The following RIGI variants were observed in gnomAD, a reference collection of about 807,000 sequenced individuals.
RIGI encodes the protein antiviral innate immune response receptor RIG-I.
the RIGI span, chr9:32,477,193 A>T: frequency 1.9e-6 from 3 of 1,573,808 alleles, no homozygotes; most frequent in Admixed American, 1.8e-5. Context: ...ACACACTGTG[A>T]CCTTTAGCTA....
chr9:32,472,451 C>G, the RIGI span, among the ~76,000 whole-genome samples: 1 of 152,200 alleles, frequency 6.6e-6, no homozygotes, highest in Non-Finnish European at 1.5e-5. Flanking sequence ...CCCAGTAATT[C>G]ATCTAGGTAC....
At chr9:32,526,117 C>T in the RIGI span, 2 of 1,613,784 alleles carry the variant, frequency 1.2e-6, no homozygotes, top group African/African-American at 1.3e-5. Flanking sequence ...CAGGGTCTTC[C>T]GGATATAATC....
the RIGI span, among the ~76,000 whole-genome samples, chr9:32,480,634 CAT>C: frequency 1.3e-5 from 2 of 152,130 alleles, no homozygotes; most frequent in Non-Finnish European, 2.9e-5. Context: ...ACGAAAAACA[CAT>C]ATCAAAATTT....
the RIGI span, chr9:32,489,226 T>C: frequency 1.9e-5 from 12 of 645,186 alleles, no homozygotes; most frequent in Non-Finnish European, 7.8e-6. Context: ...GACAGTTTTC[T>C]CAAAAGACAC....
chr9:32,467,566 T>C, the RIGI span, among the ~76,000 whole-genome samples: 11 of 152,198 alleles, frequency 7.2e-5, no homozygotes. Context: ...AGCAGCATCA[T>C]TGTAAGAATC....
At chr9:32,504,309 T>C in the RIGI span, among the ~76,000 whole-genome samples, 1 of 152,034 alleles carries the variant, frequency 6.6e-6, no homozygotes, top group African/African-American at 2.4e-5. Context: ...CAAAAAAATA[T>C]GAGTCAAAAG....
At chr9:32,500,897 G>T in the RIGI span, 46 of 1,614,086 alleles carry the variant, frequency 2.8e-5, no homozygotes, top group South Asian at 4.6e-4. Context: ...AGCCTCCATT[G>T]GGCCCTTGTT....
At chr9:32,503,941 C>T in the RIGI span, among the ~76,000 whole-genome samples, 1 of 151,778 alleles carries the variant, frequency 6.6e-6, no homozygotes, top group African/African-American at 2.4e-5. Flanking sequence ...ACTCGGGAGG[C>T]TGAGGCAGGA....
At chr9:32,478,592 C>G in the RIGI span, among the ~76,000 whole-genome samples, 1 of 152,078 alleles carries the variant, frequency 6.6e-6, no homozygotes, top group South Asian at 2.1e-4. Context: ...TAAGGACTCA[C>G]TCTACCACCC....
the RIGI span, among the ~76,000 whole-genome samples, chr9:32,483,457 G>C: frequency 8.5e-5 from 13 of 152,240 alleles, no homozygotes; most frequent in African/African-American, 2.9e-4. Flanking sequence ...GGCAGGGTAC[G>C]GGAGGTGGGA....
chr9:32,498,243 T>C, the RIGI span: 1 of 456,104 alleles, frequency 2.2e-6, no homozygotes, highest in Non-Finnish European at 4.4e-6. Flanking sequence ...GGCCAAAAAC[T>C]CCACCCTTGG....
chr9:32,512,277 T>A, the RIGI span, among the ~76,000 whole-genome samples: 41 of 152,248 alleles, frequency 2.7e-4, no homozygotes, highest in East Asian at 5.8e-3. Flanking sequence ...AAAGAAAATT[T>A]CAGGCCAATA....
At chr9:32,491,162 T>G in the RIGI span, 1 of 910,736 alleles carries the variant, frequency 1.1e-6, no homozygotes, top group Non-Finnish European at 1.7e-6. Context: ...GTATCTATTG[T>G]AACATAAATT....
chr9:32,468,101 T>C, the RIGI span, among the ~76,000 whole-genome samples: 1 of 152,234 alleles, frequency 6.6e-6, no homozygotes, highest in Non-Finnish European at 1.5e-5. Flanking sequence ...CCTATGCCTG[T>C]TTCAGAAAGG....
chr9:32,487,518 TTGAC>T, the RIGI span: 12 of 1,614,192 alleles, frequency 7.4e-6, no homozygotes, highest in Non-Finnish European at 1.0e-5. Context: ...CAGATTGTGT[TTGAC>T]TGTTGCTATC....
chr9:32,488,139 T>C, the RIGI span: 1 of 1,614,132 alleles, frequency 6.2e-7, no homozygotes, highest in Non-Finnish European at 8.5e-7. Context: ...ATGTCATTGT[T>C]CTCAACAATC....
At chr9:32,458,616 A>G in the RIGI span, among the ~76,000 whole-genome samples, 1 of 152,176 alleles carries the variant, frequency 6.6e-6, no homozygotes, top group Non-Finnish European at 1.5e-5. Context: ...TATACTACAT[A>G]AACTTCATAA....
chr9:32,500,731 G>C, the RIGI span: 1 of 1,535,968 alleles, frequency 6.5e-7, no homozygotes. Context: ...AAATTTAATA[G>C]CTTTTCACTT....
chr9:32,496,867 G>A, the RIGI span, among the ~76,000 whole-genome samples: 1 of 152,096 alleles, frequency 6.6e-6, no homozygotes, highest in Non-Finnish European at 1.5e-5. Flanking sequence ...GTATCTTTGA[G>A]CATATACTTG....
Sources: gnomAD v4.1 joint callset for allele counts (sites outside exome capture counted in the v4.1 genomes callset) on GRCh38, gnomAD v4.1.1 for gene constraint, MANE v1.5 for transcripts, NCBI Gene and HGNC (gene_info 2026-07-23, HGNC 2026-07-21) for gene names.